GRM3: variants seen among roughly 807,000 people sequenced by gnomAD.
GRM3 encodes glutamate metabotropic receptor 3, also known as metabotropic glutamate receptor 3.
In GRM3, 26 loss-of-function variants were observed where a neutral mutation model predicts 70.5. The ratio of observed to expected loss-of-function variants is 0.37; its 90% CI spans 0.27 to 0.51. GRM3 has a LOEUF of 0.51. Among genes scored for constraint, GRM3 ranks in the 20% least tolerant of loss-of-function variants. The pLI is 0.93. For synonymous variants in GRM3, 443 were observed against 434.9 expected, an observed-to-expected ratio of 1.02 and a Z score of -0.23; for missense variants, 859 against 1,123.8, an observed-to-expected ratio of 0.76 and a Z score of 3.37.
intron 4 of GRM3, among the ~76,000 whole-genome samples, chr7:86,842,072 A>G (rs1429987114): frequency 1.3e-5 from 2 of 152,172 alleles, no homozygotes; most frequent in African/African-American, 4.8e-5. Flanking sequence ...TATTGAATCA[A>G]CTGTGTAGCA....
At position 86,719,544 on chromosome 7, in the gene GRM3, G is replaced by A. The variant is rs575893741; in HGVS notation, c.-140-45462G>A. 8.5e-5 allele frequency among the ~76,000 whole-genome samples: 13 copies of A among 152,128 alleles called. No individual in the cohort carries two copies. The South Asian group carries it at 2.7e-3, about 32-fold the overall frequency. ...TAATAGAACACAATGGATTAAGGTG[G>A]ACTTATTGGGTCTAGAGTTCTCTAA... is the stretch of plus-strand genomic sequence containing the variant. On this transcript the variant is annotated intron_variant, in intron 1 of 5. Transcript: ENST00000361669.
intron 1 of GRM3, among the ~76,000 whole-genome samples, chr7:86,688,792 T>C (rs948504963): frequency 6.8e-6 from 1 of 147,656 alleles, no homozygotes; most frequent in African/African-American, 2.5e-5. Flanking sequence ...ATGAGAGATA[T>C]GATATATATC....
At chr7:86,650,983 C>T (rs1281088288) in intron 1 of GRM3, among the ~76,000 whole-genome samples, 1 of 152,068 alleles carries the variant, frequency 6.6e-6, no homozygotes, top group Admixed American at 6.5e-5. Context: ...GACATTTATC[C>T]ATAATATATA....
intron 3 of GRM3, among the ~76,000 whole-genome samples, chr7:86,809,059 A>C (rs1797857406): frequency 6.6e-6 from 1 of 152,078 alleles, no homozygotes; most frequent in Non-Finnish European, 1.5e-5. Context: ...AAGAAACCTA[A>C]AGAGACTTAT....
At chr7:86,749,674 G>GA (rs540354429) in intron 1 of GRM3, among the ~76,000 whole-genome samples, 45 of 152,072 alleles carry the variant, frequency 3.0e-4, no homozygotes, top group African/African-American at 1.1e-3. Context: ...ATAGACTTCA[G>GA]AAAAAAGTAT....
chr7:86,671,373 T>A (rs1333817510), intron 1 of GRM3, among the ~76,000 whole-genome samples: 1 of 152,216 alleles, frequency 6.6e-6, no homozygotes. Flanking sequence ...CAAGGGTAAA[T>A]AACTGTTCTG....
intron 2 of GRM3, among the ~76,000 whole-genome samples, chr7:86,771,094 T>C (rs1018811083): frequency 7.2e-5 from 11 of 152,058 alleles, no homozygotes; most frequent in Non-Finnish European, 8.8e-5. Context: ...GAAGACTTCT[T>C]AAAAAGGAAA....
intron 2 of GRM3, among the ~76,000 whole-genome samples, chr7:86,777,944 G>A (rs942890062): frequency 6.6e-6 from 1 of 152,138 alleles, no homozygotes; most frequent in African/African-American, 2.4e-5. Context: ...AATAACCTGT[G>A]CTATGAGGTA....
chr7:86,671,413 A>G (rs946921472), intron 1 of GRM3, among the ~76,000 whole-genome samples: 1 of 152,240 alleles, frequency 6.6e-6, no homozygotes, highest in African/African-American at 2.4e-5. Context: ...AAGTTAGCAC[A>G]TCTAGCACAT....
At chr7:86,777,797 A>G (rs754840250) in intron 2 of GRM3, among the ~76,000 whole-genome samples, 11 of 152,198 alleles carry the variant, frequency 7.2e-5, no homozygotes, top group Admixed American at 1.3e-4. Flanking sequence ...TTTGTCAACT[A>G]TATACCACCT....
Position 86,765,207 on chromosome 7 carries a change from T to G in GRM3, c.62T>G (p.Leu21Arg). 6.2e-7 allele frequency: 1 copy of G among 1,603,612 alleles called. No homozygotes were observed. Among genetic ancestry groups the G allele is most frequent in the Non-Finnish European group, 8.5e-7 (1 of 1,177,128 alleles). ...GCTTTGTTTTCAAAGGGATTTTTACTCTCTTTAGGGGACCATAACTTTCTA... is the reference window on the plus strand; with the variant it reads ...GCTTTGTTTTCAAAGGGATTTTTACGCTCTTTAGGGGACCATAACTTTCTA... ...TLALFSKGFL[L>R]SLGDHNFLRR... The change falls in exon 2 of 6, where the codon CTC (leucine) becomes CGC (arginine). Residue 21 changes from leucine (L) to arginine (R), a missense_variant. Physicochemically the swap from Leu to Arg is moderately radical, Grantham distance 102 (BLOSUM62 -2). Transcript: ENST00000361669.
intron 3 of GRM3, among the ~76,000 whole-genome samples, chr7:86,835,332 C>T (rs1798435194): frequency 6.6e-6 from 1 of 151,816 alleles, no homozygotes; most frequent in Non-Finnish European, 1.5e-5. Flanking sequence ...CTAACTCATA[C>T]TTTAAAGTAA....
intron 3 of GRM3, among the ~76,000 whole-genome samples, chr7:86,789,106 G>A (rs1370366632): frequency 1.3e-5 from 2 of 152,080 alleles, no homozygotes; most frequent in Non-Finnish European, 2.9e-5. Context: ...CAAGTCTACC[G>A]TTCAGTTTGG....
chr7:86,680,512 A>G (rs1794417099), intron 1 of GRM3, among the ~76,000 whole-genome samples: 1 of 152,130 alleles, frequency 6.6e-6, no homozygotes, highest in African/African-American at 2.4e-5. Flanking sequence ...ATAGGTTGCC[A>G]GCTGCCTCTA....
Position 86,786,889 on chromosome 7 carries a change from A to C in GRM3, c.1097A>C (p.Lys366Thr). ...EQKFQCSLQNKRNHRRVCDKH... is the reference protein window; with the variant it reads ...EQKFQCSLQNTRNHRRVCDKH... ...AAGTTTCAGTGCAGCCTCCAGAACA[A>C]ACGCAACCACAGGCGCGTCTGCGAC... Residue 366 changes from lysine (K) to threonine (T), a missense_variant, in exon 3 of 6, where the codon AAA becomes ACA. Transcript: ENST00000361669. This position sits in a 1 kb window ranked among gnomAD's most constrained non-coding sequence, Gnocchi z 6.0. 6.2e-7 allele frequency: 1 copy of C among 1,614,198 alleles called. No homozygotes were observed. Among genetic ancestry groups the C allele is most frequent in the Non-Finnish European group, 8.5e-7 (1 of 1,180,022 alleles).
At chr7:86,680,678 G>T (rs1477978476) in intron 1 of GRM3, among the ~76,000 whole-genome samples, 1 of 152,066 alleles carries the variant, frequency 6.6e-6, no homozygotes. Context: ...ATGATTGCAG[G>T]GGAAGAATGA....
intron 1 of GRM3, among the ~76,000 whole-genome samples, chr7:86,700,090 C>T (rs576297811): frequency 4.6e-5 from 7 of 151,856 alleles, no homozygotes; most frequent in Non-Finnish European, 8.8e-5. Context: ...AGAACAGAAC[C>T]ATCTGTCAGT....
intron 1 of GRM3, among the ~76,000 whole-genome samples, chr7:86,689,265 A>C (rs969866504): frequency 6.6e-6 from 1 of 151,946 alleles, no homozygotes; most frequent in Non-Finnish European, 1.5e-5. Context: ...TAGCTACACT[A>C]TATAGAAAGT....
intron 1 of GRM3, among the ~76,000 whole-genome samples, chr7:86,680,979 C>T (rs1257134542): frequency 6.6e-6 from 1 of 152,066 alleles, no homozygotes; most frequent in Non-Finnish European, 1.5e-5. Context: ...ACTCTCTGGC[C>T]CAATCCACAA....
Sources: gnomAD v4.1 joint callset for allele counts (sites outside exome capture counted in the v4.1 genomes callset) on GRCh38, gnomAD v4.1.1 for gene constraint, Gnocchi (gnomAD v3.1) non-coding constraint, MANE v1.5 for transcripts, NCBI Gene and HGNC (gene_info 2026-07-23, HGNC 2026-07-21) for gene names.